CFTR: variants seen among roughly 807,000 people sequenced by gnomAD.
The protein encoded by CFTR is CF transmembrane conductance regulator.
In CFTR, 181 loss-of-function variants were observed where a neutral mutation model predicts 171.6. The observed-to-expected ratio is 1.05, with a 90% CI of 0.93 to 1.19. The LOEUF (loss-of-function observed/expected upper bound fraction) is 1.19. Among genes scored for constraint, CFTR ranks in the 50% most tolerant of loss-of-function variants. The probability of loss-of-function intolerance (pLI) is 0.00; values close to 1 mark genes in which losing one functional copy is unlikely to be tolerated. For missense variants in CFTR, 1,968 were observed against 1,734.7 expected (o/e 1.13, Z -2.39); for synonymous variants, 583 against 608.0 (o/e 0.96, Z 0.60).
chr7:117,580,517 A>T (rs1791834724), intron 11 of CFTR, among the ~76,000 whole-genome samples: 1 of 152,152 alleles, frequency 6.6e-6, no homozygotes, highest in African/African-American at 2.4e-5. Context: ...TAGCCATCCC[A>T]TTCATGAGGG....
chr7:117,537,440 A>T (rs557567872), intron 7 of CFTR, among the ~76,000 whole-genome samples: 37 of 152,324 alleles, frequency 2.4e-4, no homozygotes, highest in Non-Finnish European at 4.9e-4. Context: ...AACTTCAATC[A>T]AAAAAGGTTC....
intron 23 of CFTR, among the ~76,000 whole-genome samples, chr7:117,648,583 C>T (rs934864124): frequency 6.6e-6 from 1 of 151,936 alleles, no homozygotes; most frequent in African/African-American, 2.4e-5. Flanking sequence ...GATAAAGGGC[C>T]ATTGTGTGAT....
intron 11 of CFTR, among the ~76,000 whole-genome samples, chr7:117,573,052 CTCTCTT>C (rs1216721240): frequency 1.9e-5 from 2 of 107,054 alleles, no homozygotes; most frequent in Non-Finnish European, 4.7e-5. Flanking sequence ...CTCTCTCTCT[CTCTCTT>C]GCTCTCTCTC....
In CFTR at chr7:117,652,937, G is replaced by A. The variant is rs1793110791; in HGVS notation, c.3963+6G>A. The A allele has an allele frequency of 6.4e-7, 1 of 1,556,964 alleles. No individual in the cohort carries two copies. The highest frequency in any genetic ancestry group is 8.9e-7 in the Non-Finnish European group (1 of 1,129,444). On this transcript the variant is annotated splice_donor_region_variant and intron_variant, in intron 24 of 26. Transcript: ENST00000003084. ...TATGGAAAGTTGCAGATGAGGTAAG[G>A]CTGCTAACTGAAATGATTTTGAAAG... is the stretch of plus-strand genomic sequence containing the variant.
At chr7:117,582,726 T>A (rs1256163085) in intron 11 of CFTR, among the ~76,000 whole-genome samples, 1 of 152,190 alleles carries the variant, frequency 6.6e-6, no homozygotes, top group African/African-American at 2.4e-5. Context: ...ATAATTGAAA[T>A]GGACAGAGTA....
chr7:117,665,737 T>A (rs1793364794), intron 26 of CFTR, among the ~76,000 whole-genome samples, 173 bp downstream of exon 26: 1 of 152,254 alleles, frequency 6.6e-6, no homozygotes, highest in African/African-American at 2.4e-5. Context: ...CACTTTGATC[T>A]GAGCCATGTG....
At chr7:117,639,366 T>G (rs745479439) in intron 22 of CFTR, among the ~76,000 whole-genome samples, 1 of 152,204 alleles carries the variant, frequency 6.6e-6, no homozygotes, top group Non-Finnish European at 1.5e-5. Flanking sequence ...TAAATTGTAA[T>G]AGCCAGAGCA....
chr7:117,613,009 C>G (rs1053990896), intron 20 of CFTR, among the ~76,000 whole-genome samples: 3 of 152,106 alleles, frequency 2.0e-5, no homozygotes, highest in Non-Finnish European at 2.9e-5. Context: ...CTGCAGTCTA[C>G]TCTGCTGCTA....
chr7:117,582,840 G>C (rs759248319), intron 11 of CFTR, among the ~76,000 whole-genome samples: 7 of 152,140 alleles, frequency 4.6e-5, no homozygotes, highest in Non-Finnish European at 8.8e-5. Context: ...TTTGAAGAAT[G>C]ATAAGACTAA....
intron 20 of CFTR, among the ~76,000 whole-genome samples, chr7:117,613,210 A>T (rs1201342962): frequency 2.6e-5 from 4 of 152,208 alleles, no homozygotes; most frequent in Non-Finnish European, 5.9e-5. Flanking sequence ...ATAAATGAAG[A>T]TTTGTTAACA....
At chr7:117,576,982 T>C (rs1489921770) in intron 11 of CFTR, among the ~76,000 whole-genome samples, 1 of 152,054 alleles carries the variant, frequency 6.6e-6, no homozygotes, top group Non-Finnish European at 1.5e-5. Flanking sequence ...GCTCACAGTC[T>C]TCGAAGGTAG....
intron 24 of CFTR, among the ~76,000 whole-genome samples, chr7:117,655,024 C>T (rs143946674): frequency 2.0e-5 from 3 of 152,320 alleles, no homozygotes; most frequent in East Asian, 3.9e-4. Flanking sequence ...AATATCCCCA[C>T]TGTCTGAATG....
chr7:117,568,328 A>C (rs1791635917), intron 11 of CFTR, among the ~76,000 whole-genome samples: 1 of 152,170 alleles, frequency 6.6e-6, no homozygotes, highest in Admixed American at 6.6e-5. Context: ...ATATGACCAG[A>C]TTTGCATTTT....
At chr7:117,609,402 A>C (rs1052103215) in intron 18 of CFTR, among the ~76,000 whole-genome samples, 2 of 152,190 alleles carry the variant, frequency 1.3e-5, no homozygotes, top group African/African-American at 4.8e-5. Flanking sequence ...TAACGGGTAG[A>C]GAACTGGCTC....
intron 21 of CFTR, among the ~76,000 whole-genome samples, chr7:117,617,566 T>C (rs998186087): frequency 5.2e-4 from 79 of 152,098 alleles, no homozygotes; most frequent in African/African-American, 1.8e-3. Flanking sequence ...CCAGTGACTT[T>C]ATTATATCTT....
At chr7:117,500,101 A>C (rs2116629244) in intron 1 of CFTR, among the ~76,000 whole-genome samples, 1 of 152,278 alleles carries the variant, frequency 6.6e-6, no homozygotes, top group South Asian at 2.1e-4. Context: ...CTGTGCATTT[A>C]AACATTCTAG....
intron 9 of CFTR, among the ~76,000 whole-genome samples, chr7:117,543,362 C>T (rs1007342976): frequency 3.3e-5 from 5 of 152,098 alleles, no homozygotes; most frequent in African/African-American, 7.2e-5. Context: ...GTGTCTTCGT[C>T]GGCATGAAGG....
intron 1 of CFTR, among the ~76,000 whole-genome samples, chr7:117,503,868 T>C (rs1380209500): frequency 6.6e-6 from 1 of 152,238 alleles, no homozygotes; most frequent in Admixed American, 6.5e-5. Context: ...TCAGAGTTTT[T>C]TTATATTTGA....
chr7:117,638,578 A>G (rs917581071), intron 22 of CFTR, among the ~76,000 whole-genome samples: 2 of 151,966 alleles, frequency 1.3e-5, no homozygotes, highest in African/African-American at 4.8e-5. Context: ...CCTGCAAAAA[A>G]TACAAAAATT....
Sources: allele counts gnomAD v4.1 joint callset (sites outside exome capture counted in the v4.1 genomes callset), GRCh38; gene constraint gnomAD v4.1.1; transcripts MANE v1.5; gene names NCBI Gene and HGNC (gene_info 2026-07-23, HGNC 2026-07-21).